UMPS: variants seen among roughly 807,000 people sequenced by gnomAD.
UMPS encodes uridine monophosphate synthetase.
A neutral mutation model predicts 38.9 loss-of-function variants in UMPS; 21 were observed. The ratio of observed to expected loss-of-function variants is 0.54; its 90% CI spans 0.38 to 0.78. UMPS has a LOEUF of 0.78. Among genes scored for constraint, UMPS ranks in the 30% least tolerant of loss-of-function variants. The probability of loss-of-function intolerance (pLI) is 0.00; values close to 1 mark genes in which losing one functional copy is unlikely to be tolerated. For missense variants in UMPS, 533 were observed against 591.6 expected (o/e 0.90, Z 1.03); for synonymous variants, 208 against 219.3 (o/e 0.95, Z 0.45).
rs1181472642 is a variant in UMPS, at chr3:124,748,516, A to G, written c.*4432A>G. The G allele has an allele frequency of 1.5e-5, 7 of 454,126 alleles. No individual in the cohort carries two copies. The East Asian group carries it at 4.2e-4, about 27-fold the overall frequency. The allele number at this position is 454,126 out of a possible 1,614,324, so 28.1% of individuals were successfully genotyped here. On this transcript the variant is annotated 3_prime_UTR_variant, in exon 6 of 6. Coordinates refer to ENST00000232607, the MANE Select transcript of UMPS (RefSeq NM_000373.4). ...GTCTGGTTTAGAAGCACATTTGCCTAGCCCTTTCCTTCCCACCAAGGGGGA... is the reference window on the plus strand; with the variant it reads ...GTCTGGTTTAGAAGCACATTTGCCTGGCCCTTTCCTTCCCACCAAGGGGGA...
Position 124,737,609 on chromosome 3 carries a change from A to G in UMPS, c.352A>G (p.Thr118Ala). The stretch of plus-strand genomic sequence containing the variant: ...AGAAGGAACTATTAATCCAGGAGAA[A>G]CCTGTTTAATCATTGAAGATGTTGT... The part of the protein sequence containing the change: ...LVEGTINPGE[T>A]CLIIEDVVTS... Residue 118 changes from threonine (T) to alanine (A), a missense_variant, in exon 3 of 6, where the codon ACC becomes GCC. Transcript: ENST00000232607. 6.2e-7 allele frequency: 1 copy of G among 1,614,202 alleles called. No homozygotes were observed. The highest frequency in any genetic ancestry group is 8.5e-7 in the Non-Finnish European group (1 of 1,180,028).
At position 124,748,708 on chromosome 3, in the gene UMPS, G is replaced by A. The variant is rs745376300; in HGVS notation, c.*4624G>A. 1.8e-5 allele frequency: 8 copies of A among 450,694 alleles called. No homozygotes were observed. The highest frequency in any genetic ancestry group is 1.6e-5 in the South Asian group (1 of 63,784). 27.9% of individuals were successfully genotyped at this position (450,694 alleles called of 1,614,324 possible). On this transcript the variant is annotated 3_prime_UTR_variant, in exon 6 of 6. Transcript: ENST00000232607. Reference sequence around the variant, plus strand: ...GGAGGTCTGTGTCATGTTTTTCAGCGCTGGGGTTGGGGGGAGCCCAGGAGA... The same window carrying A: ...GGAGGTCTGTGTCATGTTTTTCAGCACTGGGGTTGGGGGGAGCCCAGGAGA...
Position 124,730,552 on chromosome 3 carries a change from G to T in UMPS, c.81G>T (p.Val27=). The change falls in exon 1 of 6, where the codon GTG becomes GTT. Residue 27 remains valine, a synonymous_variant. Coordinates refer to ENST00000232607, the MANE Select transcript of UMPS (RefSeq NM_000373.4). The part of the protein sequence containing the change: ...DVQAFKFGDF[V]LKSGLSSPIY... The stretch of plus-strand genomic sequence containing the variant: ...AGGCTTTCAAGTTTGGGGACTTCGT[G>T]CTGAAGAGCGGGCTTTCCTCCCCCA... The T allele has an allele frequency of 6.2e-7, 1 of 1,614,036 alleles. No homozygotes were observed. Among genetic ancestry groups the T allele is most frequent in the Non-Finnish European group, 8.5e-7 (1 of 1,179,902 alleles).
At position 124,745,201 on chromosome 3, in the gene UMPS, T is replaced by G. The variant is rs948215529; in HGVS notation, c.*1117T>G. 9 of 453,980 alleles carry G rather than the reference T, an allele frequency of 2.0e-5. No individual in the cohort carries two copies. Among genetic ancestry groups the G allele is most frequent in the African/African-American group, 1.0e-4 (5 of 49,994 alleles). The allele number at this position is 453,980 out of a possible 1,614,324, so 28.1% of individuals were successfully genotyped here. On this transcript the variant is annotated 3_prime_UTR_variant, in exon 6 of 6. Transcript: ENST00000232607. ...GAGAAAGCCCACATTCAAGGTGGTG[T>G]TTGAGCAGGGGCAGGGTGAGGGCTG...
In UMPS at chr3:124,745,349, A is replaced by T. The variant is rs1307218497; in HGVS notation, c.*1265A>T. On this transcript the variant is annotated 3_prime_UTR_variant, in exon 6 of 6. Coordinates refer to ENST00000232607, the MANE Select transcript of UMPS (RefSeq NM_000373.4). ...GCTGATGGCCCACTGTTCTTTAATG[A>T]CTCAGAGGAATGCCTAGGATTTTTT... 2.2e-6 allele frequency: 1 copy of T among 447,496 alleles called. No individual in the cohort carries two copies. Among genetic ancestry groups the T allele is most frequent in the Non-Finnish European group, 4.4e-6 (1 of 225,962 alleles). The allele number at this position is 447,496 out of a possible 1,614,324, so 27.7% of individuals were successfully genotyped here.
In UMPS at chr3:124,737,943, C is replaced by T. The variant is rs1287432907; in HGVS notation, c.686C>T (p.Ala229Val). 1 of 1,614,098 alleles carries T rather than the reference C, an allele frequency of 6.2e-7. No individual in the cohort carries two copies. Among genetic ancestry groups the T allele is most frequent in the Non-Finnish European group, 8.5e-7 (1 of 1,180,050 alleles). ...KEAPKELSFG[A>V]RAELPRIHPV... Reference sequence around the variant, plus strand: ...GCACCCAAAGAACTCAGCTTCGGTGCACGTGCAGAGCTGCCCAGGATCCAC... The same window carrying T: ...GCACCCAAAGAACTCAGCTTCGGTGTACGTGCAGAGCTGCCCAGGATCCAC... The change falls in exon 3 of 6, where the codon GCA becomes GTA. Residue 229 changes from alanine (A) to valine (V), a missense_variant. Coordinates refer to ENST00000232607, the MANE Select transcript of UMPS (RefSeq NM_000373.4).
Position 124,730,635 on chromosome 3 carries a change from C to T in UMPS, c.156+8C>T. Reference sequence around the variant, plus strand: ...CCGCGTCTTCTGAGTCAGGTGCTGGCCTAGGAAGGGAAAGGACAGGGCTTG... The same window carrying T: ...CCGCGTCTTCTGAGTCAGGTGCTGGTCTAGGAAGGGAAAGGACAGGGCTTG... On this transcript the variant is annotated splice_region_variant and intron_variant, in intron 1 of 5. Transcript: ENST00000232607. 6.2e-7 allele frequency: 1 copy of T among 1,610,698 alleles called. No homozygotes were observed. Among genetic ancestry groups the T allele is most frequent in the Non-Finnish European group, 8.5e-7 (1 of 1,177,406 alleles).
In UMPS at chr3:124,745,210, G is replaced by C; in HGVS notation, c.*1126G>C. 1 of 454,116 alleles carries C rather than the reference G, an allele frequency of 2.2e-6. No individual in the cohort carries two copies. Among genetic ancestry groups the C allele is most frequent in the South Asian group, 1.6e-5 (1 of 64,480 alleles). 28.1% of individuals were successfully genotyped at this position (454,116 alleles called of 1,614,324 possible). On this transcript the variant is annotated 3_prime_UTR_variant, in exon 6 of 6. Coordinates refer to ENST00000232607, the MANE Select transcript of UMPS (RefSeq NM_000373.4). The stretch of plus-strand genomic sequence containing the variant: ...CACATTCAAGGTGGTGTTTGAGCAG[G>C]GGCAGGGTGAGGGCTGTCCCGGTGC...
At position 124,747,200 on chromosome 3, in the gene UMPS, A is replaced by AT. The variant is rs1381954418; in HGVS notation, c.*3122dup. 2.2e-6 allele frequency: 1 copy of AT among 453,300 alleles called. No homozygotes were observed. The highest frequency in any genetic ancestry group is 2.0e-5 in the African/African-American group (1 of 49,942). 28.1% of individuals were successfully genotyped at this position (453,300 alleles called of 1,614,324 possible). A position where few individuals can be genotyped will look rare whatever the true frequency, so the allele number is the denominator to read the frequency against. On this transcript the variant is annotated 3_prime_UTR_variant, in exon 6 of 6. Transcript: ENST00000232607. ...CCACCACAGCTGGTTAATTTTTAAAATTTTTTGTAGAGACGGTGGAGGAGG... is the reference window on the plus strand; with the variant it reads ...CCACCACAGCTGGTTAATTTTTAAAATTTTTTTGTAGAGACGGTGGAGGAGG...
intron 2 of UMPS, among the ~76,000 whole-genome samples, chr3:124,736,373 T>C (rs2063518230): frequency 1.3e-5 from 2 of 151,188 alleles, no homozygotes. Flanking sequence ...AACAAATCCT[T>C]CTTCTACAGA....
At chr3:124,731,742 CA>C in intron 1 of UMPS, 1 of 178,240 alleles carries the variant, frequency 5.6e-6, no homozygotes, top group South Asian at 1.0e-4. Flanking sequence ...ACTGAAAATG[CA>C]AAAATTAGCT....
rs753529707 is a variant in UMPS at position 124,746,604 on chromosome 3, G to A, written c.*2520G>A. 12 of 454,086 alleles carry A rather than the reference G, an allele frequency of 2.6e-5. No homozygotes were observed. The highest frequency in any genetic ancestry group is 1.9e-4 in the South Asian group (12 of 64,482). 28.1% of individuals were successfully genotyped at this position (454,086 alleles called of 1,614,324 possible). A position where few individuals can be genotyped will look rare whatever the true frequency, so the allele number is the denominator to read the frequency against. On this transcript the variant is annotated 3_prime_UTR_variant, in exon 6 of 6. Transcript: ENST00000232607. The stretch of plus-strand genomic sequence containing the variant: ...GGAATATTTACAGAACATGATCTCT[G>A]GGCATTGTAACTCCTGGTCTTAGTG...
rs1287696662 is a variant in UMPS at position 124,747,958 on chromosome 3, G to C, written c.*3874G>C. The C allele has an allele frequency of 2.2e-6, 1 of 453,924 alleles. No homozygotes were observed. The highest frequency in any genetic ancestry group is 4.4e-6 in the Non-Finnish European group (1 of 226,722). 28.1% of individuals were successfully genotyped at this position (453,924 alleles called of 1,614,324 possible). On this transcript the variant is annotated 3_prime_UTR_variant, in exon 6 of 6. Coordinates refer to ENST00000232607, the MANE Select transcript of UMPS (RefSeq NM_000373.4). Reference sequence around the variant, plus strand: ...GCCCCTTAACAGGTGGGTATGAATCGTGTCTTCAGTGCCAGGGCTGAATGA... The same window carrying C: ...GCCCCTTAACAGGTGGGTATGAATCCTGTCTTCAGTGCCAGGGCTGAATGA...
chr3:124,748,190 A>C lies in UMPS; in HGVS notation c.*4106A>C, dbSNP rs1386150215. ...AGTGATCCTCCTGCCTTGGCTTCCC[A>C]AAGTGCTAGGATTACAGGTGTGAGC... On this transcript the variant is annotated 3_prime_UTR_variant, in exon 6 of 6. Transcript: ENST00000232607. The C allele has an allele frequency of 4.4e-6, 2 of 452,212 alleles. No homozygotes were observed. The highest frequency in any genetic ancestry group is 4.0e-5 in the African/African-American group (2 of 49,826). 28.0% of individuals were successfully genotyped at this position (452,212 alleles called of 1,614,324 possible).
Position 124,747,860 on chromosome 3 carries a change from A to G in UMPS, c.*3776A>G, listed in dbSNP as rs921575283. On this transcript the variant is annotated 3_prime_UTR_variant, in exon 6 of 6. Coordinates refer to ENST00000232607, the MANE Select transcript of UMPS (RefSeq NM_000373.4). ...TCTTGTGTGAATCCTGTACTTTAAC[A>G]CAGTGGACCAAGTGTCAGTCATTGA... 1 of 453,516 alleles carries G rather than the reference A, an allele frequency of 2.2e-6. No individual in the cohort carries two copies. Among genetic ancestry groups the G allele is most frequent in the Non-Finnish European group, 4.4e-6 (1 of 226,430 alleles). The allele number at this position is 453,516 out of a possible 1,614,324, so 28.1% of individuals were successfully genotyped here. A position where few individuals can be genotyped will look rare whatever the true frequency, so the allele number is the denominator to read the frequency against.
chr3:124,733,519 C>A, intron 1 of UMPS: 1 of 189,558 alleles, frequency 5.3e-6, no homozygotes, highest in South Asian at 1.2e-4. Flanking sequence ...TACTGACTGC[C>A]TTGCTGTGAA....
rs2063532981 is a variant in UMPS at position 124,738,401 on chromosome 3, C to T, written c.982+162C>T. The T allele has an allele frequency of 2.9e-5, 21 of 715,160 alleles. No homozygotes were observed. In the South Asian group the frequency reaches 3.5e-4, roughly 12 times the overall value. The allele number at this position is 715,160 out of a possible 1,614,324, so 44.3% of individuals were successfully genotyped here. The stretch of plus-strand genomic sequence containing the variant: ...ATATCTTCATGACTTGCTTTCTCTC[C>T]ATCTCTCAGCTCTGCTTTCTTCTCT... On this transcript the variant is annotated intron_variant, in intron 3 of 5. Coordinates refer to ENST00000232607, the MANE Select transcript of UMPS (RefSeq NM_000373.4).
intron 2 of UMPS, among the ~76,000 whole-genome samples, chr3:124,736,442 C>T (rs894343855): frequency 2.6e-5 from 4 of 151,704 alleles, no homozygotes; most frequent in African/African-American, 7.3e-5. Flanking sequence ...GTTTTTGTGG[C>T]GTAAGGGCAG....
intron 2 of UMPS, 77 bp from the exon 3 acceptor site, chr3:124,737,491 A>G: frequency 7.1e-7 from 1 of 1,403,684 alleles, no homozygotes; most frequent in Non-Finnish European, 1.0e-6. Flanking sequence ...AGTTTTGTAT[A>G]CAGAGTGTGT....
Sources: gnomAD v4.1 joint callset for allele counts (sites outside exome capture counted in the v4.1 genomes callset) on GRCh38, gnomAD v4.1.1 for gene constraint, MANE v1.5 for transcripts, NCBI Gene and HGNC (gene_info 2026-07-23, HGNC 2026-07-21) for gene names.